The following CDKAL1 variants were observed in gnomAD, a reference collection of about 807,000 sequenced individuals.
CDKAL1 encodes the protein CDKAL1 threonylcarbamoyladenosine tRNA methylthiotransferase, also known as threonylcarbamoyladenosine tRNA methylthiotransferase.
CDKAL1 carries 32 observed loss-of-function variants against 68.2 expected under a neutral mutation model. The observed-to-expected ratio is 0.47, with a 90% confidence interval of 0.35 to 0.63. The LOEUF (loss-of-function observed/expected upper bound fraction) is 0.63. Ranked by LOEUF, CDKAL1 falls within the 30% of genes least tolerant of loss-of-function variation. The pLI is 0.00. For synonymous variants in CDKAL1, 234 were observed against 244.3 expected, an observed-to-expected ratio of 0.96 and a Z score of 0.39; for missense variants, 606 against 696.7, an observed-to-expected ratio of 0.87 and a Z score of 1.47.
Position 20,754,690 on chromosome 6 carries a change from A to G in CDKAL1, c.469-3905A>G, listed in dbSNP as rs138919415. ...TAGAAGTTCTTCATAAATTCTAGAT[A>G]TAAGTTCCTTACCAGATATGTGATT... On this transcript the variant is annotated intron_variant, in intron 6 of 15. Coordinates refer to ENST00000274695, the MANE Select transcript of CDKAL1 (RefSeq NM_017774.3). Among the ~76,000 whole-genome samples the G allele has an allele frequency of 2.0e-5, 3 of 152,214 alleles. No individual in the cohort carries two copies. The East Asian group carries it at 5.8e-4, about 29-fold the overall frequency.
chr6:21,023,953 A>T (rs1397859820), intron 11 of CDKAL1, among the ~76,000 whole-genome samples: 3 of 152,170 alleles, frequency 2.0e-5, no homozygotes, highest in Non-Finnish European at 2.9e-5. Context: ...TCATCAAATG[A>T]GGGGAAACTG....
At chr6:20,887,845 A>G (rs1161399153) in intron 9 of CDKAL1, among the ~76,000 whole-genome samples, 1 of 150,764 alleles carries the variant, frequency 6.6e-6, no homozygotes. Context: ...GTAGAGTGGT[A>G]TGATCATAGC....
At chr6:20,887,326 A>C (rs1287879647) in intron 9 of CDKAL1, among the ~76,000 whole-genome samples, 1 of 152,210 alleles carries the variant, frequency 6.6e-6, no homozygotes, top group Non-Finnish European at 1.5e-5. Context: ...TCATTTACTA[A>C]GAGAAATTTG....
chr6:20,717,050 A>C (rs554637491), intron 5 of CDKAL1, among the ~76,000 whole-genome samples: 2 of 152,160 alleles, frequency 1.3e-5, no homozygotes, highest in South Asian at 4.2e-4. Flanking sequence ...CTGAAGATTG[A>C]CTTACTGGAT....
chr6:20,770,311 T>C (rs1163087426), intron 7 of CDKAL1, among the ~76,000 whole-genome samples: 2 of 152,176 alleles, frequency 1.3e-5, no homozygotes, highest in Admixed American at 6.5e-5. Context: ...AAATGAAAGA[T>C]TCTATAGAGA....
chr6:21,084,723 A>G (rs1300942042), intron 12 of CDKAL1, among the ~76,000 whole-genome samples: 1 of 152,212 alleles, frequency 6.6e-6, no homozygotes, highest in East Asian at 1.9e-4. Context: ...ACAAATATAA[A>G]GAGGTGGAAG....
chr6:20,837,695 C>T (rs182530706), intron 8 of CDKAL1, among the ~76,000 whole-genome samples: 4 of 151,780 alleles, frequency 2.6e-5, no homozygotes, highest in African/African-American at 9.7e-5. Flanking sequence ...TATTAATCTG[C>T]AGAAATAAAT....
Position 20,745,442 on chromosome 6 carries a change from A to G in CDKAL1, c.468+5827A>G, listed in dbSNP as rs1162870429. ...CCTACTTCGAACATTTCTTCTTGCC[A>G]TGTTCTATTTTTTTTTAACTTCCGT... On this transcript the variant is annotated intron_variant, in intron 6 of 15. Coordinates refer to ENST00000274695, the MANE Select transcript of CDKAL1 (RefSeq NM_017774.3). Among the ~76,000 whole-genome samples the G allele has an allele frequency of 4.6e-5, 7 of 152,184 alleles. No homozygotes were observed. The East Asian group carries it at 9.7e-4, about 21-fold the overall frequency.
intron 13 of CDKAL1, among the ~76,000 whole-genome samples, chr6:21,112,995 AG>A (rs1177201129): frequency 6.6e-6 from 1 of 152,204 alleles, no homozygotes; most frequent in African/African-American, 2.4e-5. Context: ...CAGGTAAAAG[AG>A]GGTAGTTATT....
intron 13 of CDKAL1, among the ~76,000 whole-genome samples, chr6:21,187,494 A>G (rs1017540575): frequency 6.6e-6 from 1 of 152,222 alleles, no homozygotes; most frequent in Non-Finnish European, 1.5e-5. Flanking sequence ...TTCTTATGCC[A>G]TAAAGATAAT....
intron 9 of CDKAL1, among the ~76,000 whole-genome samples, chr6:20,876,971 C>T (rs898159041): frequency 6.6e-6 from 1 of 152,194 alleles, no homozygotes; most frequent in Admixed American, 6.5e-5. Flanking sequence ...GCTAAAAAGT[C>T]AATACACTTG....
intron 9 of CDKAL1, among the ~76,000 whole-genome samples, chr6:20,932,260 T>C (rs1763495809): frequency 6.6e-6 from 1 of 152,172 alleles, no homozygotes; most frequent in African/African-American, 2.4e-5. Flanking sequence ...TAAATATATA[T>C]AAGTTGTTGT....
chr6:20,809,277 T>C (rs879788005), intron 8 of CDKAL1, among the ~76,000 whole-genome samples: 7 of 152,208 alleles, frequency 4.6e-5, no homozygotes, highest in Non-Finnish European at 1.0e-4. Flanking sequence ...TATTTCAAGT[T>C]ATTAGCACCC....
At chr6:20,722,567 C>A in intron 5 of CDKAL1, 2 of 289,226 alleles carry the variant, frequency 6.9e-6, no homozygotes, top group East Asian at 1.9e-4. Context: ...ACATAGAATC[C>A]TTGTAGTAGA....
At position 20,557,991 on chromosome 6, in the gene CDKAL1, CT is replaced by C. The variant is rs753112185; in HGVS notation, c.286+9287del. ...ACATCCTTAACTTGCCAGTAATTCA[CT>C]CTTACTTTTCTTCCTGTGGAAATGT... is the stretch of plus-strand genomic sequence containing the variant. On this transcript the variant is annotated intron_variant, in intron 4 of 15. Transcript: ENST00000274695. 4.6e-5 allele frequency among the ~76,000 whole-genome samples: 7 copies of C among 152,190 alleles called. 1 individual carries two copies. The East Asian group carries it at 1.2e-3, about 25-fold the overall frequency.
chr6:21,018,267 A>G (rs1201426402), intron 11 of CDKAL1, among the ~76,000 whole-genome samples: 2 of 152,322 alleles, frequency 1.3e-5, no homozygotes, highest in East Asian at 3.9e-4. Flanking sequence ...ATTTTTCCAG[A>G]AATAATATCA....
chr6:20,740,914 C>T (rs1773427170), intron 6 of CDKAL1, among the ~76,000 whole-genome samples: 1 of 152,142 alleles, frequency 6.6e-6, no homozygotes, highest in Non-Finnish European at 1.5e-5. Flanking sequence ...TCTCTATAAA[C>T]ATAATCCTGC....
intron 9 of CDKAL1, among the ~76,000 whole-genome samples, chr6:20,891,303 AGTAAGAGTTGGAAGGCTC>A (rs1761379213): frequency 6.6e-6 from 1 of 152,096 alleles, no homozygotes; most frequent in African/African-American, 2.4e-5. Flanking sequence ...TCTTGAACTG[AGTAAGAGTTGGAAGGCTC>A]TGGCTTGAGC....
chr6:20,535,613 G>T (rs1213424193), intron 2 of CDKAL1, among the ~76,000 whole-genome samples: 2 of 151,934 alleles, frequency 1.3e-5, no homozygotes, highest in African/African-American at 4.8e-5. Flanking sequence ...TTTTTGAGAT[G>T]CCCTTTTCAT....
Sources: allele counts gnomAD v4.1 joint callset (sites outside exome capture counted in the v4.1 genomes callset), GRCh38; gene constraint gnomAD v4.1.1; transcripts MANE v1.5; gene names NCBI Gene and HGNC (gene_info 2026-07-23, HGNC 2026-07-21).